Variants in LRP2 observed in about 807,000 individuals in gnomAD.
LRP2 encodes the protein low-density lipoprotein receptor-related protein 2.
Under a neutral mutation model 531.0 loss-of-function variants are expected in LRP2, and 172 were observed. The ratio of observed to expected loss-of-function variants is 0.32; its 90% CI spans 0.29 to 0.37. The LOEUF (loss-of-function observed/expected upper bound fraction) is 0.37, where lower values mean the gene tolerates loss of function less well. Ranked by LOEUF, LRP2 falls within the 10% of genes least tolerant of loss-of-function variation. LRP2 has a pLI of 1.00. For missense variants in LRP2, 5,167 were observed against 5,868.3 expected (o/e 0.88, Z 3.90); for synonymous variants, 1,992 against 2,027.6 (o/e 0.98, Z 0.47).
At position 169,261,646 on chromosome 2, in the gene LRP2, G is replaced by A. The variant is rs189258545; in HGVS notation, c.2321-2429C>T. 4.6e-5 allele frequency among the ~76,000 whole-genome samples: 7 copies of A among 152,212 alleles called. No homozygotes were observed. The East Asian group carries it at 1.2e-3, about 25-fold the overall frequency. On this transcript the variant is annotated intron_variant, in intron 16 of 78. Transcript: ENST00000649046. ...GAGTCCAGGACCAGATGGATTCACA[G>A]CCGAATTCTACCAGAGGTACAAGGA...
intron 75 of LRP2, 150 bp downstream of exon 75, chr2:169,138,427 C>A (rs995112753): frequency 3.7e-5 from 30 of 818,292 alleles, no homozygotes; most frequent in Non-Finnish European, 5.4e-5. Flanking sequence ...CAGCAACAAA[C>A]CTAATGTTTC....
rs1306421989 is a variant in LRP2, at chr2:169,127,247, A to T, written c.*1416T>A. 1 of 152,554 alleles carries T rather than the reference A, an allele frequency of 6.6e-6. No individual in the cohort carries two copies. Among genetic ancestry groups the T allele is most frequent in the African/African-American group, 2.4e-5 (1 of 41,378 alleles). The allele number at this position is 152,554 out of a possible 1,614,324, so 9.5% of individuals were successfully genotyped here. A position where few individuals can be genotyped will look rare whatever the true frequency, so the allele number is the denominator to read the frequency against. On this transcript the variant is annotated 3_prime_UTR_variant, in exon 79 of 79. Transcript: ENST00000649046. The stretch of plus-strand genomic sequence containing the variant: ...ACTCTGGAATAAAATAATCAGTAGT[A>T]TATGTTTCATTCATTCATCCATCCA...
chr2:169,176,658 C>A, intron 53 of LRP2, 70 bp from the exon 54 acceptor site: 1 of 1,348,296 alleles, frequency 7.4e-7, no homozygotes, highest in Non-Finnish European at 1.1e-6. Context: ...TAGCTGATTA[C>A]ACATCTTGAC....
At position 169,193,643 on chromosome 2, in the gene LRP2, A is replaced by G. The variant is rs902055098; in HGVS notation, c.8830+118T>C. The G allele has an allele frequency of 4.0e-6, 5 of 1,236,450 alleles. No homozygotes were observed. In the Admixed American group the frequency reaches 6.8e-5, roughly 17 times the overall value. 76.6% of individuals were successfully genotyped at this position (1,236,450 alleles called of 1,614,324 possible). ...CATGGAGAAACAAAGGTAACATTCTATCAGTGTCCATTCAATTACAGAGAA... is the reference window on the plus strand; with the variant it reads ...CATGGAGAAACAAAGGTAACATTCTGTCAGTGTCCATTCAATTACAGAGAA... On this transcript the variant is annotated intron_variant, in intron 47 of 78. Coordinates refer to ENST00000649046, the MANE Select transcript of LRP2 (RefSeq NM_004525.3).
rs9653235 is a variant in LRP2, at chr2:169,285,619, C to T, written c.1043-2618G>A. 4.6e-5 allele frequency among the ~76,000 whole-genome samples: 7 copies of T among 152,094 alleles called. No homozygotes were observed. The South Asian group carries it at 1.0e-3, about 23-fold the overall frequency. ...ACTCAAAAACCCCTTTTTAACTGAG[C>T]CCCCCTTGGCCACCCTCTGATCCAT... On this transcript the variant is annotated intron_variant, in intron 9 of 78. Coordinates refer to ENST00000649046, the MANE Select transcript of LRP2 (RefSeq NM_004525.3).
rs1255038536 is a variant in LRP2, at chr2:169,362,433, C to G, written c.-34G>C. The G allele has an allele frequency of 6.5e-7, 1 of 1,537,032 alleles. No individual in the cohort carries two copies. Among genetic ancestry groups the G allele is most frequent in the Non-Finnish European group, 8.8e-7 (1 of 1,141,048 alleles). ...CGGTCCCCGGCCTCGCCGTTCCTTC[C>G]CCGGGAGGTGGGCGCGCGTAGCACA... On this transcript the variant is annotated 5_prime_UTR_variant, in exon 1 of 79. Coordinates refer to ENST00000649046, the MANE Select transcript of LRP2 (RefSeq NM_004525.3).
intron 71 of LRP2, among the ~76,000 whole-genome samples, chr2:169,141,804 T>C (rs1685727696): frequency 6.6e-6 from 1 of 152,186 alleles, no homozygotes; most frequent in African/African-American, 2.4e-5. Context: ...CCTACCAATA[T>C]TTCCCCAGTA....
chr2:169,165,789 T>C lies in LRP2; in HGVS notation c.11758+143A>G, dbSNP rs11888479. ...GTAAGCAATGCATGTGTTTGCATGG[T>C]CTTGTAAACAATTATGTCAGCAGAG... On this transcript the variant is annotated intron_variant, in intron 62 of 78. Coordinates refer to ENST00000649046, the MANE Select transcript of LRP2 (RefSeq NM_004525.3). 5.1e-3 allele frequency: 5,045 copies of C among 987,524 alleles called. 161 individuals are homozygous for C. The African/African-American group carries it at 0.07, about 14-fold the overall frequency. The allele number at this position is 987,524 out of a possible 1,614,324, so 61.2% of individuals were successfully genotyped here.
chr2:169,326,223 G>GTCTCCC (rs1685054311), intron 1 of LRP2, among the ~76,000 whole-genome samples: 1 of 82,096 alleles, frequency 1.2e-5, no homozygotes, highest in Admixed American at 1.7e-4. Context: ...CTCCCTCTCG[G>GTCTCCC]TCTCCCTCTC....
chr2:169,142,776 G>C lies in LRP2; in HGVS notation c.13006C>G (p.Gln4336Glu), dbSNP rs958677899. The C allele has an allele frequency of 5.6e-6, 9 of 1,613,924 alleles. No homozygotes were observed. In the African/African-American group the frequency reaches 9.3e-5, roughly 17 times the overall value. Residue 4336 changes from glutamine (Q) to glutamate (E), a missense_variant, in exon 71 of 79, where the codon CAG (glutamine) becomes GAG (glutamate). Gln to Glu is a conservative substitution (Grantham distance 29). Transcript: ENST00000649046. Reference protein sequence around the residue: ...YNKSVPNLCKQICSHLCLLRP... With the variant: ...YNKSVPNLCKEICSHLCLLRP... ...AGAAGGCAGAGGTGGCTGCAGATCT[G>C]TTTGCAAAGGTTGGGCACTGGAAAG...
At chr2:169,157,578 C>T in intron 63 of LRP2, 76 bp from the exon 64 acceptor site, 9 of 1,534,558 alleles carry the variant, frequency 5.9e-6, no homozygotes, top group Non-Finnish European at 8.1e-6. Context: ...AAAGAAGCAC[C>T]TACTCGTAAC....
intron 29 of LRP2, among the ~76,000 whole-genome samples, chr2:169,235,490 C>T (rs560793707): frequency 4.8e-4 from 73 of 152,278 alleles, no homozygotes; most frequent in African/African-American, 1.6e-3. Flanking sequence ...CCACCCACCT[C>T]GGCCTCCCAA....
rs1211464865 is a variant in LRP2, at chr2:169,277,341, A to T, written c.1772+404T>A. On this transcript the variant is annotated intron_variant, in intron 13 of 78. Transcript: ENST00000649046. ...GCAGAGTAAAATCCAATTAATTCCC[A>T]GTAGGCAACATCAAATACCTAATAA... 2.6e-5 allele frequency among the ~76,000 whole-genome samples: 4 copies of T among 152,188 alleles called. No homozygotes were observed. The East Asian group carries it at 7.7e-4, about 29-fold the overall frequency.
Position 169,139,233 on chromosome 2 carries a change from C to G in LRP2, c.13388+18G>C. On this transcript the variant is annotated intron_variant, in intron 74 of 78. Transcript: ENST00000649046. ...TTCTTAGGCTTCAAACATCAACGTTCCCCATAATGAAACTGACCTTGGCAG... is the reference window on the plus strand; with the variant it reads ...TTCTTAGGCTTCAAACATCAACGTTGCCCATAATGAAACTGACCTTGGCAG... 1 of 1,614,118 alleles carries G rather than the reference C, an allele frequency of 6.2e-7. No individual in the cohort carries two copies.
chr2:169,243,620 A>C, intron 22 of LRP2, 98 bp from the exon 23 acceptor site: 138 of 1,413,316 alleles, frequency 9.8e-5, no homozygotes, highest in Non-Finnish European at 1.3e-4. Flanking sequence ...AAGTTATCTC[A>C]ATTGTACATG....
Position 169,215,232 on chromosome 2 carries a change from C to CTACT in LRP2, c.5826+1017_5826+1020dup, listed in dbSNP as rs1055804424. 7.2e-5 allele frequency among the ~76,000 whole-genome samples: 11 copies of CTACT among 152,252 alleles called. No individual in the cohort carries two copies. In the South Asian group the frequency reaches 8.3e-4, roughly 11 times the overall value. Reference sequence around the variant, plus strand: ...ACAAACAATGAACTGAAAGCCAAACCTACTGCACAATATTATGAAAAGCAT... The same window carrying CTACT: ...ACAAACAATGAACTGAAAGCCAAACCTACTTACTGCACAATATTATGAAAAGCAT... On this transcript the variant is annotated intron_variant, in intron 35 of 78. Coordinates refer to ENST00000649046, the MANE Select transcript of LRP2 (RefSeq NM_004525.3).
intron 52 of LRP2, among the ~76,000 whole-genome samples, chr2:169,178,980 A>AT (rs1403261693): frequency 6.8e-6 from 1 of 147,432 alleles, no homozygotes; most frequent in African/African-American, 2.5e-5. Context: ...ATTAGTCACC[A>AT]TCTGATTTAT....
intron 45 of LRP2, among the ~76,000 whole-genome samples, chr2:169,197,671 T>G (rs2105319928): frequency 6.6e-6 from 1 of 152,326 alleles, no homozygotes; most frequent in East Asian, 1.9e-4. Flanking sequence ...TATAAGGCCG[T>G]TTTGCTTTGG....
chr2:169,229,788 G>A (rs1441409556), intron 31 of LRP2, among the ~76,000 whole-genome samples: 5 of 152,038 alleles, frequency 3.3e-5, no homozygotes, highest in African/African-American at 7.2e-5. Flanking sequence ...GGCCAATATT[G>A]TGCAATATCT....
Sources: gnomAD v4.1 joint callset for allele counts (sites outside exome capture counted in the v4.1 genomes callset) on GRCh38, gnomAD v4.1.1 for gene constraint, MANE v1.5 for transcripts, NCBI Gene and HGNC (gene_info 2026-07-23, HGNC 2026-07-21) for gene names.